Variants in TPRG1 observed in about 807,000 individuals in gnomAD.
TPRG1 encodes tumor protein p63-regulated gene 1 protein.
TPRG1 carries 29 observed loss-of-function variants against 29.3 expected under a neutral mutation model. The observed-to-expected ratio is 0.99, with a 90% confidence interval of 0.74 to 1.35. The LOEUF is 1.35. Among genes scored for constraint, TPRG1 ranks in the 40% most tolerant of loss-of-function variants. The pLI is 0.00. For synonymous variants in TPRG1, 130 were observed against 116.8 expected, an observed-to-expected ratio of 1.11 and a Z score of -0.73; for missense variants, 327 against 335.0, an observed-to-expected ratio of 0.98 and a Z score of 0.19.
intron 4 of TPRG1, among the ~76,000 whole-genome samples, chr3:189,060,558 CA>C (rs1242810812): frequency 1.3e-5 from 2 of 152,158 alleles, no homozygotes; most frequent in Non-Finnish European, 2.9e-5. Context: ...AGTATTGGTT[CA>C]AAAGCTCCTT....
At chr3:189,151,193 C>T (rs1189766106) in intron 5 of TPRG1, 1 of 149,548 alleles carries the variant, frequency 6.7e-6, no homozygotes, top group Admixed American at 6.7e-5. Flanking sequence ...GATGGCAACC[C>T]ACCTCCAAAG....
chr3:189,072,931 T>A (rs1223124074), intron 4 of TPRG1, among the ~76,000 whole-genome samples: 1 of 152,184 alleles, frequency 6.6e-6, no homozygotes, highest in East Asian at 1.9e-4. Context: ...CCTTCAAGCA[T>A]GCTTCTGTGT....
At chr3:189,241,348 G>A (rs907948819) in intron 4 of TPRG1, among the ~76,000 whole-genome samples, 8 of 152,164 alleles carry the variant, frequency 5.3e-5, no homozygotes, top group South Asian at 4.1e-4. Flanking sequence ...TTTGAAGAAC[G>A]ATATGTGTTT....
At chr3:189,132,917 G>A (rs1437395763) in intron 3 of TPRG1, among the ~76,000 whole-genome samples, 1 of 152,100 alleles carries the variant, frequency 6.6e-6, no homozygotes, top group Non-Finnish European at 1.5e-5. Context: ...AAGTTCTGTG[G>A]GGGATGGAGA....
chr3:189,106,666 TATTAC>T (rs1225149151), intron 1 of TPRG1, among the ~76,000 whole-genome samples: 1 of 152,172 alleles, frequency 6.6e-6, no homozygotes, highest in Non-Finnish European at 1.5e-5. Flanking sequence ...AATAAATGAC[TATTAC>T]ATTTGTAATA....
chr3:189,166,850 A>G (rs2108647344), intron 5 of TPRG1, among the ~76,000 whole-genome samples: 2 of 152,264 alleles, frequency 1.3e-5, no homozygotes, highest in African/African-American at 4.8e-5. Context: ...GATCAGGGTC[A>G]TTTTCAATTT....
intron 4 of TPRG1, among the ~76,000 whole-genome samples, chr3:189,077,626 T>C (rs1459209723): frequency 6.6e-6 from 1 of 152,226 alleles, no homozygotes; most frequent in Non-Finnish European, 1.5e-5. Flanking sequence ...TGCATTTTAC[T>C]GTATGTTAAT....
chr3:189,030,173 C>A (rs964301826), intron 4 of TPRG1, among the ~76,000 whole-genome samples: 1 of 152,012 alleles, frequency 6.6e-6, no homozygotes, highest in Non-Finnish European at 1.5e-5. Context: ...TTGAGTCTTG[C>A]GTTTCATTTT....
At chr3:189,148,605 C>T (rs1725554133) in intron 4 of TPRG1, among the ~76,000 whole-genome samples, 3 of 152,092 alleles carry the variant, frequency 2.0e-5, no homozygotes, top group African/African-American at 7.2e-5. Context: ...TGGCAAGAAG[C>T]TATAGAAAAA....
chr3:189,031,011 T>A (rs969173131), intron 4 of TPRG1, among the ~76,000 whole-genome samples: 3 of 152,218 alleles, frequency 2.0e-5, no homozygotes, highest in Non-Finnish European at 2.9e-5. Context: ...GGCTCACGCC[T>A]GTAATCCCAG....
At chr3:189,191,909 C>A (rs1312007579) in intron 1 of TPRG1, among the ~76,000 whole-genome samples, 2 of 152,168 alleles carry the variant, frequency 1.3e-5, no homozygotes, top group African/African-American at 2.4e-5. Context: ...CAGGCAGAAG[C>A]AAATGATTCC....
intron 3 of TPRG1, among the ~76,000 whole-genome samples, chr3:189,236,677 G>A (rs1250509907): frequency 6.6e-6 from 1 of 152,174 alleles, no homozygotes; most frequent in Non-Finnish European, 1.5e-5. Context: ...GTTGTGGTAA[G>A]ATATAGAACT....
At chr3:189,058,775 C>G (rs1320773167) in intron 4 of TPRG1, among the ~76,000 whole-genome samples, 1 of 152,190 alleles carries the variant, frequency 6.6e-6, no homozygotes, top group Non-Finnish European at 1.5e-5. Flanking sequence ...ACACACTCAG[C>G]CTTTATCGCT....
At chr3:189,177,407 C>T (rs1450117) in intron 1 of TPRG1, among the ~76,000 whole-genome samples, 72,755 of 150,884 alleles carry the variant, frequency 0.48, 17,634 homozygotes, top group South Asian at 0.56. Flanking sequence ...TGTATGTATA[C>T]GCATATATAT....
At chr3:189,152,357 GC>G (rs755865590) in intron 5 of TPRG1, among the ~76,000 whole-genome samples, 11 of 152,132 alleles carry the variant, frequency 7.2e-5, no homozygotes, top group Non-Finnish European at 1.5e-4. Flanking sequence ...ATCAGCTTTG[GC>G]CAGAGGCAGA....
intron 4 of TPRG1, among the ~76,000 whole-genome samples, chr3:189,069,744 G>A (rs568119406): frequency 4.7e-4 from 72 of 152,280 alleles, no homozygotes; most frequent in Middle Eastern, 3.4e-3. Context: ...TAGCCTAGAT[G>A]TGCTTCAACA....
intron 4 of TPRG1, among the ~76,000 whole-genome samples, chr3:189,250,295 G>A (rs932520820): frequency 1.2e-4 from 18 of 152,102 alleles, no homozygotes; most frequent in African/African-American, 4.3e-4. Context: ...GGGATTTTTA[G>A]CAAACATCCA....
intron 3 of TPRG1, among the ~76,000 whole-genome samples, chr3:189,135,994 G>T (rs944976889): frequency 1.3e-5 from 2 of 152,128 alleles, no homozygotes; most frequent in Non-Finnish European, 2.9e-5. Context: ...CCGTGTACTT[G>T]AATCTATTAT....
intron 1 of TPRG1, chr3:189,207,164 A>C (rs1734519531): frequency 1.0e-6 from 1 of 984,676 alleles, no homozygotes; most frequent in Non-Finnish European, 1.2e-6. Flanking sequence ...TCTCTCCTTC[A>C]CTTCTCTGGT....
Sources: allele counts gnomAD v4.1 joint callset (sites outside exome capture counted in the v4.1 genomes callset), GRCh38; gene constraint gnomAD v4.1.1; transcripts MANE v1.5; gene names NCBI Gene and HGNC (gene_info 2026-07-23, HGNC 2026-07-21).